IL6R: variants seen among roughly 807,000 people sequenced by gnomAD.
IL6R encodes the protein interleukin 6 receptor, also known as interleukin-6 receptor subunit alpha.
In IL6R, 38 loss-of-function variants were observed where a neutral mutation model predicts 48.3. The observed-to-expected ratio is 0.79, with a 90% confidence interval of 0.61 to 1.03. The LOEUF (loss-of-function observed/expected upper bound fraction) is 1.03, where lower values mean the gene tolerates loss of function less well. Ranked by LOEUF, IL6R falls within the 50% of genes least tolerant of loss-of-function variation. IL6R has a pLI of 0.00. For missense variants in IL6R, 534 were observed against 618.3 expected (o/e 0.86, Z 1.45); for synonymous variants, 264 against 256.2 (o/e 1.03, Z -0.29).
intron 1 of IL6R, among the ~76,000 whole-genome samples, chr1:154,428,956 T>A (rs1689132145): frequency 6.6e-6 from 1 of 152,070 alleles, no homozygotes; most frequent in Non-Finnish European, 1.5e-5. Flanking sequence ...TTGAAGGGTT[T>A]TCTAATCCAG....
intron 6 of IL6R, chr1:154,437,438 G>T: frequency 2.6e-6 from 1 of 380,442 alleles, no homozygotes; most frequent in South Asian, 1.8e-5. Context: ...TTTGAAGACA[G>T]GCTTTCTCCT....
chr1:154,405,515 G>C lies in IL6R; in HGVS notation c.-115G>C, dbSNP rs1687648973. ...CCTGCGGATGGGGGCTGCCCCCGGG[G>C]CCTGAGCCCGCCTGCCCGCCCACCG... On this transcript the variant is annotated 5_prime_UTR_variant, in exon 1 of 10. Transcript: ENST00000368485. This position sits in a 1 kb window ranked among gnomAD's most constrained non-coding sequence, Gnocchi z 5.2. 4.8e-6 allele frequency: 3 copies of C among 630,128 alleles called. No individual in the cohort carries two copies. The highest frequency in any genetic ancestry group is 7.1e-5 in the Admixed American group (2 of 28,178). The allele number at this position is 630,128 out of a possible 1,614,324, so 39.0% of individuals were successfully genotyped here.
rs1274949455 is a variant in IL6R, at chr1:154,436,087, A to T, written c.926A>T (p.Glu309Val). The change falls in exon 6 of 10, where the codon GAG becomes GTG. Residue 309 changes from glutamate (E) to valine (V), a missense_variant. Physicochemically the swap from Glu to Val is moderately radical, Grantham distance 121 (BLOSUM62 -2). Coordinates refer to ENST00000368485, the MANE Select transcript of IL6R (RefSeq NM_000565.4). ...GQGEWSEWSP[E>V]AMGTPWTESR... ...GGCGAGTGGAGCGAGTGGAGCCCGG[A>T]GGCCATGGGCACGCCTTGGACAGGT... 1 of 1,612,386 alleles carries T rather than the reference A, an allele frequency of 6.2e-7. No homozygotes were observed. The highest frequency in any genetic ancestry group is 8.5e-7 in the Non-Finnish European group (1 of 1,178,890).
chr1:154,459,814 A>AT (rs1691140013), intron 9 of IL6R, among the ~76,000 whole-genome samples: 1 of 152,040 alleles, frequency 6.6e-6, no homozygotes, highest in African/African-American at 2.4e-5. Flanking sequence ...GTAGAGAATT[A>AT]TTTTTCTGCA....
chr1:154,427,481 G>C (rs1482797008), intron 1 of IL6R, among the ~76,000 whole-genome samples: 2 of 152,192 alleles, frequency 1.3e-5, no homozygotes, highest in African/African-American at 4.8e-5. Flanking sequence ...CTTACCCAAG[G>C]TCTGTTGGTG....
At chr1:154,413,018 T>C (rs1558298018) in intron 1 of IL6R, among the ~76,000 whole-genome samples, 1 of 151,950 alleles carries the variant, frequency 6.6e-6, no homozygotes, top group Non-Finnish European at 1.5e-5. Flanking sequence ...CTTTTTTTTT[T>C]TGAGACAGAG....
At chr1:154,442,788 C>CTT (rs10539207) in intron 6 of IL6R, among the ~76,000 whole-genome samples, 3 of 137,396 alleles carry the variant, frequency 2.2e-5, no homozygotes, top group African/African-American at 3.1e-5. Flanking sequence ...TCATTTTCTT[C>CTT]TTTTTTTTTT....
chr1:154,460,931 G>A (rs7537291), intron 9 of IL6R, among the ~76,000 whole-genome samples: 101,774 of 151,644 alleles, frequency 0.67, 35,613 homozygotes, highest in East Asian at 0.83. Flanking sequence ...CTATCAAGAT[G>A]CAGAGACCGG....
rs541513802 is a variant in IL6R, at chr1:154,460,448, G to A, written c.1161-4686G>A. On this transcript the variant is annotated intron_variant, in intron 9 of 9. Coordinates refer to ENST00000368485, the MANE Select transcript of IL6R (RefSeq NM_000565.4). The stretch of plus-strand genomic sequence containing the variant: ...TACTTTGAAAAAAAAACTGAGGACA[G>A]AGATTGCTTCCATATTAGGTCAATA... Among the ~76,000 whole-genome samples the A allele has an allele frequency of 5.3e-5, 8 of 152,230 alleles. No individual in the cohort carries two copies. The South Asian group carries it at 1.7e-3, about 32-fold the overall frequency.
intron 9 of IL6R, among the ~76,000 whole-genome samples, chr1:154,455,299 T>A (rs1214720914): frequency 2.0e-5 from 3 of 151,966 alleles, no homozygotes; most frequent in Non-Finnish European, 4.4e-5. Flanking sequence ...GCAGCACGGT[T>A]GGGGCAATAT....
At chr1:154,427,926 G>A (rs1377072783) in intron 1 of IL6R, among the ~76,000 whole-genome samples, 1 of 152,218 alleles carries the variant, frequency 6.6e-6, no homozygotes, top group African/African-American at 2.4e-5. Flanking sequence ...GCATGGGCGA[G>A]GAGGTGAGGT....
intron 8 of IL6R, among the ~76,000 whole-genome samples, chr1:154,451,956 C>T (rs987164452): frequency 2.0e-5 from 3 of 152,122 alleles, no homozygotes; most frequent in African/African-American, 7.2e-5. Context: ...TGCTCAGGTG[C>T]GGGGGATCGG....
chr1:154,462,828 T>G (rs948083339), intron 9 of IL6R, among the ~76,000 whole-genome samples: 4 of 152,114 alleles, frequency 2.6e-5, no homozygotes, highest in African/African-American at 9.7e-5. Context: ...ATTTATTTAT[T>G]GAGACACATC....
chr1:154,427,772 T>C (rs1479522618), intron 1 of IL6R, among the ~76,000 whole-genome samples: 1 of 152,190 alleles, frequency 6.6e-6, no homozygotes, highest in Admixed American at 6.5e-5. Flanking sequence ...TGGGAGTCAC[T>C]GATCCTTACT....
intron 3 of IL6R, among the ~76,000 whole-genome samples, chr1:154,431,803 G>A (rs137931009): frequency 6.6e-6 from 1 of 152,340 alleles, no homozygotes; most frequent in African/African-American, 2.4e-5. Context: ...CAGGACGAGT[G>A]ATGGGTAGCA....
rs1558323471 is a variant in IL6R, at chr1:154,447,462, T to TACACAC, written c.950-662_950-661insCACACA. Among the ~76,000 whole-genome samples, 33 of 88,262 alleles carry TACACAC rather than the reference T, an allele frequency of 3.7e-4. 1 individual carries two copies. Among genetic ancestry groups the TACACAC allele is most frequent in the African/African-American group, 1.9e-3 (31 of 16,388 alleles). 57.9% of individuals were successfully genotyped at this position (88,262 alleles called of 152,430 possible). On this transcript the variant is annotated intron_variant, in intron 6 of 9. Transcript: ENST00000368485. The stretch of plus-strand genomic sequence containing the variant: ...TCAAAAAAAAAAAAAAAAATATATA[T>TACACAC]ATATATATATATATACACACACACA...
intron 1 of IL6R, among the ~76,000 whole-genome samples, chr1:154,412,189 T>G (rs1688064705): frequency 6.6e-6 from 1 of 151,996 alleles, no homozygotes; most frequent in Admixed American, 6.6e-5. Flanking sequence ...CCTTGTGATC[T>G]GCCCACCTCG....
chr1:154,454,144 G>A (rs1387337449), intron 8 of IL6R: 1 of 330,106 alleles, frequency 3.0e-6, no homozygotes, highest in East Asian at 6.5e-5. Context: ...GGAGCAGGTG[G>A]AATGTCACCA....
Position 154,435,151 on chromosome 1 carries a change from T to C in IL6R, c.802T>C (p.Trp268Arg). ...RAERSKTFTTWMVKDLQHHCV... is the reference protein window; with the variant it reads ...RAERSKTFTTRMVKDLQHHCV... ...TGAACGGTCAAAGACATTCACAACA[T>C]GGATGGTAAATTTATGTTTTACTTC... Residue 268 changes from tryptophan to arginine, a missense_variant, in exon 5 of 10, where the codon TGG (tryptophan) becomes CGG (arginine). Physicochemically the swap from Trp to Arg is moderately radical, Grantham distance 101. Coordinates refer to ENST00000368485, the MANE Select transcript of IL6R (RefSeq NM_000565.4). 1 of 1,613,898 alleles carries C rather than the reference T, an allele frequency of 6.2e-7. No individual in the cohort carries two copies. Among genetic ancestry groups the C allele is most frequent in the Non-Finnish European group, 8.5e-7 (1 of 1,179,866 alleles).
Sources: allele counts gnomAD v4.1 joint callset (sites outside exome capture counted in the v4.1 genomes callset), GRCh38; gene constraint gnomAD v4.1.1; non-coding constraint Gnocchi (gnomAD v3.1); transcripts MANE v1.5; gene names NCBI Gene and HGNC (gene_info 2026-07-23, HGNC 2026-07-21).